ATP6V1B1: variants seen among roughly 807,000 people sequenced by gnomAD.
ATP6V1B1 encodes the protein ATPase H+ transporting V1 subunit B1, also known as V-type proton ATPase subunit B, kidney isoform.
Under a neutral mutation model 62.1 loss-of-function variants are expected in ATP6V1B1, and 41 were observed. The ratio of observed to expected loss-of-function variants is 0.66; its 90% CI spans 0.51 to 0.86. The LOEUF is 0.86. Among genes scored for constraint, ATP6V1B1 ranks in the 40% least tolerant of loss-of-function variants. The pLI, the probability that ATP6V1B1 is intolerant of heterozygous loss-of-function variation, is 0.00. For missense variants in ATP6V1B1, 651 were observed against 697.5 expected (o/e 0.93, Z 0.75); for synonymous variants, 253 against 273.4 (o/e 0.93, Z 0.74).
At chr2:70,938,629 G>C (rs1679914515) in intron 1 of ATP6V1B1, 2 of 985,428 alleles carry the variant, frequency 2.0e-6, no homozygotes, top group South Asian at 9.4e-5. Flanking sequence ...ACTAGAAAGA[G>C]TGGAGGCAGC....
At chr2:70,943,781 G>A in intron 2 of ATP6V1B1, 68 bp downstream of exon 2, 1 of 1,588,938 alleles carries the variant, frequency 6.3e-7, no homozygotes, top group Non-Finnish European at 8.6e-7. Context: ...CTGCCCTGCA[G>A]GATTTCTTCT....
intron 1 of ATP6V1B1, 192 bp from the exon 2 acceptor site, chr2:70,943,466 G>A: frequency 1.4e-6 from 1 of 711,236 alleles, no homozygotes; most frequent in Non-Finnish European, 2.5e-6. Flanking sequence ...TGTCCGAGCA[G>A]CAGGGGCCCT....
At chr2:70,961,052 T>A (rs782576011) in intron 7 of ATP6V1B1, 30 bp downstream of exon 7, 13 of 1,552,876 alleles carry the variant, frequency 8.4e-6, no homozygotes, top group Non-Finnish European at 1.0e-5. Context: ...TGGCAAGTTC[T>A]GGAGGCTGTG....
intron 6 of ATP6V1B1, among the ~76,000 whole-genome samples, chr2:70,960,612 C>A (rs1179726650): frequency 1.3e-5 from 2 of 152,196 alleles, no homozygotes; most frequent in Non-Finnish European, 2.9e-5. Context: ...ACTCTGTGTC[C>A]AAATAGCGCC....
chr2:70,957,305 G>A (rs556997424), intron 2 of ATP6V1B1, among the ~76,000 whole-genome samples: 1 of 151,226 alleles, frequency 6.6e-6, no homozygotes, highest in East Asian at 2.0e-4. Context: ...TCACCATGTT[G>A]CCCAGGCTGG....
chr2:70,963,725 C>G lies in ATP6V1B1; in HGVS notation c.1143+71C>G. ...CACTGAGGAACAGATGTTTCACTGC[C>G]CCCAGGCATGAATTAGGAGGGGCCA... On this transcript the variant is annotated intron_variant, in intron 11 of 13. Coordinates refer to ENST00000234396, the MANE Select transcript of ATP6V1B1 (RefSeq NM_001692.4). This position sits in a 1 kb window ranked among gnomAD's most constrained non-coding sequence, Gnocchi z 4.3. 1 of 1,537,502 alleles carries G rather than the reference C, an allele frequency of 6.5e-7. No homozygotes were observed. The highest frequency in any genetic ancestry group is 2.3e-5 in the East Asian group (1 of 44,200).
chr2:70,957,913 G>C, intron 2 of ATP6V1B1, 133 bp from the exon 3 acceptor site: 1 of 848,958 alleles, frequency 1.2e-6, no homozygotes, highest in Non-Finnish European at 1.9e-6. Flanking sequence ...CCAGCCCCTT[G>C]AGTTCATTTC....
rs781858142 is a variant in ATP6V1B1, at chr2:70,962,916, A to G, written c.909+16A>G. ...CTTGCGGGAGGTAAGCTGGCTAGCA[A>G]GGGGTGTCAGATTCCTCCCTACCCC... On this transcript the variant is annotated intron_variant, in intron 9 of 13. Transcript: ENST00000234396. 3.7e-6 allele frequency: 6 copies of G among 1,613,614 alleles called. No individual in the cohort carries two copies. In the Admixed American group the frequency reaches 8.3e-5, roughly 22 times the overall value.
intron 1 of ATP6V1B1, chr2:70,941,884 C>T: frequency 1.0e-6 from 1 of 986,828 alleles, no homozygotes; most frequent in Non-Finnish European, 1.2e-6. Flanking sequence ...ACAGTGCACC[C>T]AGGCTCTGAG....
chr2:70,964,971 C>G lies in ATP6V1B1; in HGVS notation c.1392C>G (p.Asn464Lys). The change falls in exon 14 of 14, where the codon AAC becomes AAG. Residue 464 changes from asparagine to lysine, a missense_variant. Coordinates refer to ENST00000234396, the MANE Select transcript of ATP6V1B1 (RefSeq NM_001692.4). ...KNFINQGPYE[N>K]RSVFESLDLG... is the part of the protein sequence containing the mutation. ...CTCTGTCCCTAGGCCCCTACGAGAACCGCTCGGTGTTCGAGTCGCTGGACC... is the reference window on the plus strand; with the variant it reads ...CTCTGTCCCTAGGCCCCTACGAGAAGCGCTCGGTGTTCGAGTCGCTGGACC... 1.9e-6 allele frequency: 3 copies of G among 1,614,028 alleles called. No homozygotes were observed. The highest frequency in any genetic ancestry group is 2.5e-6 in the Non-Finnish European group (3 of 1,180,044).
rs775172500 is a variant in ATP6V1B1 at position 70,965,183 on chromosome 2, C to T, written c.*62C>T. Reference sequence around the variant, plus strand: ...CCTACCCTCGGCTCCCGGGTCTCCCCTCCCTCGCCACCCCAACCAGCGGCT... The same window carrying T: ...CCTACCCTCGGCTCCCGGGTCTCCCTTCCCTCGCCACCCCAACCAGCGGCT... On this transcript the variant is annotated 3_prime_UTR_variant, in exon 14 of 14. Coordinates refer to ENST00000234396, the MANE Select transcript of ATP6V1B1 (RefSeq NM_001692.4). 1 of 1,589,816 alleles carries T rather than the reference C, an allele frequency of 6.3e-7. No individual in the cohort carries two copies. The highest frequency in any genetic ancestry group is 8.5e-7 in the Non-Finnish European group (1 of 1,174,652).
chr2:70,958,092 C>G lies in ATP6V1B1; in HGVS notation c.221C>G (p.Thr74Ser). ...EIVHFTLPDG[T>S]QRSGQVLEVA... ...GTCCACTTCACCCTCCCAGATGGGA[C>G]TCAGAGGAGCGGGCAGGTGCTTGAG... The change falls in exon 3 of 14, where the codon ACT becomes AGT. Residue 74 changes from threonine to serine, a missense_variant. Coordinates refer to ENST00000234396, the MANE Select transcript of ATP6V1B1 (RefSeq NM_001692.4). 6.2e-7 allele frequency: 1 copy of G among 1,614,192 alleles called. No individual in the cohort carries two copies. Among genetic ancestry groups the G allele is most frequent in the South Asian group, 1.1e-5 (1 of 91,072 alleles).
chr2:70,945,701 GATATATATATATAT>G (rs35710919), intron 2 of ATP6V1B1, among the ~76,000 whole-genome samples: 1,529 of 83,048 alleles, frequency 0.018, 68 homozygotes, highest in African/African-American at 0.068. Context: ...TATTTGAAGA[GATATATATATATAT>G]ATATATATAT....
intron 8 of ATP6V1B1, 140 bp from the exon 9 acceptor site, chr2:70,962,637 G>T: frequency 1.4e-6 from 2 of 1,383,728 alleles, no homozygotes; most frequent in South Asian, 2.4e-5. Flanking sequence ...CTAGGGGATG[G>T]GGGCAAGGGC....
intron 1 of ATP6V1B1, among the ~76,000 whole-genome samples, chr2:70,942,973 T>C (rs1680039914): frequency 6.6e-6 from 1 of 152,202 alleles, no homozygotes; most frequent in Non-Finnish European, 1.5e-5. Context: ...TTTTGGCATC[T>C]AACCCAATTC....
Position 70,959,260 on chromosome 2 carries a change from T to TC in ATP6V1B1, c.445+167dup, listed in dbSNP as rs1436769022. 4.6e-5 allele frequency among the ~76,000 whole-genome samples: 7 copies of TC among 152,128 alleles called. No homozygotes were observed. Among genetic ancestry groups the TC allele is most frequent in the African/African-American group, 1.7e-4 (7 of 41,436 alleles). On this transcript the variant is annotated intron_variant, in intron 5 of 13. Transcript: ENST00000234396. This position sits in a 1 kb window ranked among gnomAD's most constrained non-coding sequence, Gnocchi z 4.2. The stretch of plus-strand genomic sequence containing the variant: ...TGAACCCCAACACTGCCGTCAGCAC[T>TC]CCATGTCCATCCCCTGTAAAATGCC...
chr2:70,943,833 T>A (rs1680075829), intron 2 of ATP6V1B1, 120 bp downstream of exon 2: 2 of 1,407,404 alleles, frequency 1.4e-6, no homozygotes, highest in Non-Finnish European at 2.0e-6. Context: ...CCTGCTCTGT[T>A]CTCTCCATCC....
At chr2:70,964,343 G>C in intron 11 of ATP6V1B1, 95 bp from the exon 12 acceptor site, 1 of 1,313,896 alleles carries the variant, frequency 7.6e-7, no homozygotes, top group Non-Finnish European at 1.1e-6. Flanking sequence ...TCGGAATGTA[G>C]GATAAGTGAG....
In ATP6V1B1 at chr2:70,958,093, T is replaced by G. The variant is rs782691539; in HGVS notation, c.222T>G (p.Thr74=). 1 of 1,614,188 alleles carries G rather than the reference T, an allele frequency of 6.2e-7. No individual in the cohort carries two copies. Among genetic ancestry groups the G allele is most frequent in the East Asian group, 2.2e-5 (1 of 44,888 alleles). The change falls in exon 3 of 14, where the codon ACT becomes ACG. Residue 74 remains threonine, a synonymous_variant. Coordinates refer to ENST00000234396, the MANE Select transcript of ATP6V1B1 (RefSeq NM_001692.4). The stretch of plus-strand genomic sequence containing the variant: ...TCCACTTCACCCTCCCAGATGGGAC[T>G]CAGAGGAGCGGGCAGGTGCTTGAGG... The part of the protein sequence containing the change: ...EIVHFTLPDG[T]QRSGQVLEVA...
Sources: gnomAD v4.1 joint callset for allele counts (sites outside exome capture counted in the v4.1 genomes callset) on GRCh38, gnomAD v4.1.1 for gene constraint, Gnocchi (gnomAD v3.1) non-coding constraint, MANE v1.5 for transcripts, NCBI Gene and HGNC (gene_info 2026-07-23, HGNC 2026-07-21) for gene names.